RYR2: variants seen among roughly 807,000 people sequenced by gnomAD.
The protein encoded by RYR2 is ryanodine receptor 2, also known as cardiac muscle ryanodine receptor-calcium release channel.
A neutral mutation model predicts 601.1 loss-of-function variants in RYR2; 227 were observed. That is an observed-to-expected ratio of 0.38 (90% CI 0.34 to 0.42). The LOEUF is 0.42. RYR2 is among the 10% of genes least tolerant of loss of function. The pLI is 1.00. For missense variants in RYR2, 4,646 were observed against 6,156.5 expected, an observed-to-expected ratio of 0.75 and a Z score of 8.21; for synonymous variants, 2,223 against 2,175.1, an observed-to-expected ratio of 1.02 and a Z score of -0.61.
intron 2 of RYR2, among the ~76,000 whole-genome samples, chr1:237,318,573 A>G (rs944384668): frequency 1.3e-5 from 2 of 152,152 alleles, no homozygotes; most frequent in Non-Finnish European, 1.5e-5. Flanking sequence ...CTTTTGAAAG[A>G]TGGGATATGA....
intron 2 of RYR2, among the ~76,000 whole-genome samples, chr1:237,308,793 G>T (rs905255778): frequency 6.6e-6 from 1 of 152,220 alleles, no homozygotes; most frequent in Non-Finnish European, 1.5e-5. Context: ...ACCTGAGCAG[G>T]TTGCCTCTGC....
intron 2 of RYR2, among the ~76,000 whole-genome samples, chr1:237,295,516 C>T (rs1026916842): frequency 1.3e-5 from 2 of 152,074 alleles, no homozygotes; most frequent in African/African-American, 4.8e-5. Flanking sequence ...CTTAAAAAGA[C>T]ATTGAAATGT....
At chr1:237,631,924 C>A (rs182951386) in intron 42 of RYR2, among the ~76,000 whole-genome samples, 3 of 151,858 alleles carry the variant, frequency 2.0e-5, no homozygotes, top group Non-Finnish European at 4.4e-5. Context: ...TGAGCCACCG[C>A]GCCCAGCCCA....
At chr1:237,426,265 T>G (rs4659793) in intron 12 of RYR2, among the ~76,000 whole-genome samples, 21,677 of 152,112 alleles carry the variant, frequency 0.14, 2,124 homozygotes, top group East Asian at 0.45. Flanking sequence ...AGGGTAGGTC[T>G]TTATTCTCCA....
At chr1:237,081,969 CTG>C (rs1665737645) in intron 1 of RYR2, among the ~76,000 whole-genome samples, 1 of 152,144 alleles carries the variant, frequency 6.6e-6, no homozygotes, top group Non-Finnish European at 1.5e-5. Context: ...TCCAAGATAA[CTG>C]TGATTTCTTA....
intron 3 of RYR2, 30 bp downstream of exon 3, chr1:237,331,012 T>G: frequency 6.5e-7 from 1 of 1,530,296 alleles, no homozygotes. Context: ...AGACTTGTAG[T>G]ATTTTAATGA....
At chr1:237,292,870 G>A (rs1304680497) in intron 2 of RYR2, among the ~76,000 whole-genome samples, 4 of 152,152 alleles carry the variant, frequency 2.6e-5, no homozygotes, top group African/African-American at 9.6e-5. Context: ...GGATATGACC[G>A]GGCTGCACTT....
chr1:237,788,241 C>A, intron 92 of RYR2, 106 bp downstream of exon 92: 1 of 787,908 alleles, frequency 1.3e-6, no homozygotes, highest in Non-Finnish European at 2.0e-6. Flanking sequence ...GTTAGGGAAC[C>A]AGGTTAGTCC....
intron 8 of RYR2, among the ~76,000 whole-genome samples, chr1:237,382,420 A>C (rs1701596119): frequency 6.6e-6 from 1 of 152,016 alleles, no homozygotes; most frequent in African/African-American, 2.4e-5. Flanking sequence ...GTACATGTGC[A>C]CAACGTGCAG....
intron 37 of RYR2, 114 bp from the exon 38 acceptor site, chr1:237,617,172 T>G: frequency 1.0e-6 from 1 of 976,592 alleles, no homozygotes; most frequent in Non-Finnish European, 1.5e-6. Context: ...ATCAGGATTC[T>G]GTTTCTAAGA....
At chr1:237,458,674 G>T (rs953832838) in intron 16 of RYR2, among the ~76,000 whole-genome samples, 2 of 151,712 alleles carry the variant, frequency 1.3e-5, no homozygotes, top group Non-Finnish European at 2.9e-5. Flanking sequence ...TATTCATTAC[G>T]TGACTAAGTT....
chr1:237,090,105 C>G (rs1316186485), intron 1 of RYR2, among the ~76,000 whole-genome samples: 2 of 152,212 alleles, frequency 1.3e-5, no homozygotes, highest in Non-Finnish European at 2.9e-5. Flanking sequence ...CTTGAGAATT[C>G]ACTTACTGTC....
chr1:237,664,030 T>C (rs2148860931), intron 56 of RYR2, among the ~76,000 whole-genome samples: 1 of 152,284 alleles, frequency 6.6e-6, no homozygotes, highest in South Asian at 2.1e-4. Context: ...CAAAAAACAT[T>C]TCTGACAATT....
chr1:237,488,609 G>A (rs1662963967), intron 17 of RYR2, among the ~76,000 whole-genome samples: 1 of 152,158 alleles, frequency 6.6e-6, no homozygotes, highest in Non-Finnish European at 1.5e-5. Flanking sequence ...ATCCACAAAG[G>A]AAGTGAAAAT....
chr1:237,331,595 C>T (rs1462017090), intron 3 of RYR2, among the ~76,000 whole-genome samples: 1 of 151,900 alleles, frequency 6.6e-6, no homozygotes, highest in Admixed American at 6.6e-5. Flanking sequence ...CTCTGCCTCC[C>T]GGGTTCATGC....
chr1:237,661,005 T>A, intron 56 of RYR2, 58 bp downstream of exon 56: 1 of 1,242,902 alleles, frequency 8.0e-7, no homozygotes. Context: ...AATAATTTTT[T>A]AAATTTAATT....
chr1:237,500,683 A>G, intron 20 of RYR2, 28 bp from the exon 21 acceptor site: 2 of 1,539,814 alleles, frequency 1.3e-6, no homozygotes, highest in Non-Finnish European at 8.8e-7. Context: ...AAAATACATG[A>G]CCTTCCTTAA....
At chr1:237,093,018 G>A (rs1378479041) in intron 1 of RYR2, among the ~76,000 whole-genome samples, 1 of 152,082 alleles carries the variant, frequency 6.6e-6, no homozygotes, top group Non-Finnish European at 1.5e-5. Flanking sequence ...TAGAACTCCC[G>A]GTGAAGATGG....
At chr1:237,831,409 G>A (rs1663772851) in intron 103 of RYR2, 105 bp from the exon 104 acceptor site, 1 of 663,042 alleles carries the variant, frequency 1.5e-6, no homozygotes, top group Non-Finnish European at 2.6e-6. Flanking sequence ...CGTTTTCTCT[G>A]TGCTGGCCAT....
Sources: allele counts gnomAD v4.1 joint callset (sites outside exome capture counted in the v4.1 genomes callset), GRCh38; gene constraint gnomAD v4.1.1; transcripts MANE v1.5; gene names NCBI Gene and HGNC (gene_info 2026-07-23, HGNC 2026-07-21).